Variants in MTMR12 observed in about 807,000 individuals in gnomAD.
MTMR12 encodes myotubularin-related protein 12.
Under a neutral mutation model 96.7 loss-of-function variants are expected in MTMR12, and 33 were observed. The ratio of observed to expected loss-of-function variants is 0.34; its 90% CI spans 0.26 to 0.46. The LOEUF (loss-of-function observed/expected upper bound fraction) is 0.46. Among genes scored for constraint, MTMR12 ranks in the 20% least tolerant of loss-of-function variants. The pLI is 1.00. For synonymous variants in MTMR12, 298 were observed against 327.2 expected (o/e 0.91, Z 0.96); for missense variants, 721 against 896.1 (o/e 0.80, Z 2.49).
chr5:32,263,101 T>C lies in MTMR12; in HGVS notation c.713+12A>G. 1 of 1,614,048 alleles carries C rather than the reference T, an allele frequency of 6.2e-7. No homozygotes were observed. The highest frequency in any genetic ancestry group is 8.5e-7 in the Non-Finnish European group (1 of 1,179,942). ...TGAATTGTACAGCATGTGCCCAGCA[T>C]GGAAAGCTTACCTCTCACAGACTTT... is the stretch of plus-strand genomic sequence containing the variant. On this transcript the variant is annotated intron_variant, in intron 7 of 15. Transcript: ENST00000382142.
intron 1 of MTMR12, among the ~76,000 whole-genome samples, chr5:32,305,007 A>G (rs1057074039): frequency 2.0e-5 from 3 of 152,226 alleles, no homozygotes; most frequent in Admixed American, 1.3e-4. Context: ...ACGCTCAAAG[A>G]GAAAATTCTG....
Position 32,233,709 on chromosome 5 carries a change from C to T in MTMR12, c.1674+64G>A, listed in dbSNP as rs1748096213. ...GCTGGCAGACAGAATCCGTAAGTACCTTTTATCATTACATGCACGGGGTCT... is the reference window on the plus strand; with the variant it reads ...GCTGGCAGACAGAATCCGTAAGTACTTTTTATCATTACATGCACGGGGTCT... On this transcript the variant is annotated intron_variant, in intron 15 of 15. Transcript: ENST00000382142. This position sits in a 1 kb window ranked among gnomAD's most constrained non-coding sequence, Gnocchi z 5.0. 1.9e-6 allele frequency: 3 copies of T among 1,606,002 alleles called. No homozygotes were observed. Among genetic ancestry groups the T allele is most frequent in the East Asian group, 2.2e-5 (1 of 44,840 alleles).
chr5:32,269,417 C>A (rs1376845320), intron 5 of MTMR12, among the ~76,000 whole-genome samples: 1 of 152,084 alleles, frequency 6.6e-6, no homozygotes, highest in African/African-American at 2.4e-5. Context: ...GATTCTCCTA[C>A]CTCAGCCTCC....
At chr5:32,276,829 A>G in intron 1 of MTMR12, 87 bp from the exon 2 acceptor site, 1 of 981,776 alleles carries the variant, frequency 1.0e-6, no homozygotes, top group Non-Finnish European at 1.6e-6. Flanking sequence ...TACACACTAA[A>G]ATATCACATA....
At chr5:32,303,285 T>A (rs1751219473) in intron 1 of MTMR12, among the ~76,000 whole-genome samples, 2 of 152,228 alleles carry the variant, frequency 1.3e-5, no homozygotes, top group African/African-American at 4.8e-5. Flanking sequence ...GAACTGGCAT[T>A]ACAGCTAGTA....
chr5:32,245,370 T>G (rs1375895819), intron 10 of MTMR12, among the ~76,000 whole-genome samples: 2 of 152,120 alleles, frequency 1.3e-5, no homozygotes, highest in Admixed American at 1.3e-4. Flanking sequence ...GAAAATGAAG[T>G]CAGAAGAAGC....
At chr5:32,261,613 C>T (rs1483599687) in intron 7 of MTMR12, among the ~76,000 whole-genome samples, 1 of 152,224 alleles carries the variant, frequency 6.6e-6, no homozygotes, top group Non-Finnish European at 1.5e-5. Context: ...TAATTTACTT[C>T]TTTATTCTAC....
chr5:32,269,211 G>A (rs1171004185), intron 5 of MTMR12, among the ~76,000 whole-genome samples: 1 of 151,902 alleles, frequency 6.6e-6, no homozygotes, highest in East Asian at 1.9e-4. Context: ...ATTTCTAGTA[G>A]AGACGGGGTT....
chr5:32,275,232 A>G (rs1216054351), intron 2 of MTMR12, among the ~76,000 whole-genome samples: 1 of 152,166 alleles, frequency 6.6e-6, no homozygotes, highest in Admixed American at 6.6e-5. Context: ...CACTAAGGAA[A>G]TACCGGAAGA....
At chr5:32,278,084 T>C (rs534875290) in intron 1 of MTMR12, among the ~76,000 whole-genome samples, 3 of 152,330 alleles carry the variant, frequency 2.0e-5, no homozygotes, top group East Asian at 3.9e-4. Context: ...TATTCAAAGA[T>C]AATTAATTAC....
At chr5:32,249,066 A>C (rs1748808690) in intron 8 of MTMR12, among the ~76,000 whole-genome samples, 188 bp from the exon 9 acceptor site, 1 of 152,228 alleles carries the variant, frequency 6.6e-6, no homozygotes, top group African/African-American at 2.4e-5. Context: ...TTAAAAAATA[A>C]AACAGGTCTA....
intron 1 of MTMR12, among the ~76,000 whole-genome samples, chr5:32,300,142 T>G (rs940002273): frequency 1.3e-5 from 2 of 152,218 alleles, no homozygotes; most frequent in African/African-American, 4.8e-5. Context: ...CTAATTTTAA[T>G]AGTGCTTAGC....
At chr5:32,311,482 T>C (rs1034218750) in intron 1 of MTMR12, among the ~76,000 whole-genome samples, 13 of 152,210 alleles carry the variant, frequency 8.5e-5, no homozygotes, top group Admixed American at 3.9e-4. Flanking sequence ...AAGCAGTCCC[T>C]GATCAGATCT....
chr5:32,287,244 T>C (rs1750572621), intron 1 of MTMR12, among the ~76,000 whole-genome samples: 1 of 152,170 alleles, frequency 6.6e-6, no homozygotes, highest in South Asian at 2.1e-4. Context: ...CAAAGGAGAT[T>C]AACATTTGAG....
intron 1 of MTMR12, among the ~76,000 whole-genome samples, chr5:32,306,815 T>C (rs763049870): frequency 9.2e-5 from 14 of 152,178 alleles, no homozygotes; most frequent in Non-Finnish European, 1.6e-4. Flanking sequence ...TATCTTTAAA[T>C]TCTCTTCCAA....
At chr5:32,238,665 T>C (rs1748336248) in intron 13 of MTMR12, among the ~76,000 whole-genome samples, 1 of 152,216 alleles carries the variant, frequency 6.6e-6, no homozygotes, top group Admixed American at 6.5e-5. Flanking sequence ...AAGACTAATT[T>C]TGTAGAAAAG....
intron 7 of MTMR12, among the ~76,000 whole-genome samples, chr5:32,261,979 G>A (rs897060507): frequency 1.3e-5 from 2 of 152,224 alleles, no homozygotes; most frequent in Non-Finnish European, 2.9e-5. Flanking sequence ...GGCTGAGGCA[G>A]GAGAATGGCG....
chr5:32,267,599 G>A (rs1209220807), intron 6 of MTMR12, among the ~76,000 whole-genome samples: 1 of 152,114 alleles, frequency 6.6e-6, no homozygotes, highest in Non-Finnish European at 1.5e-5. Flanking sequence ...TAAATTAGTT[G>A]CTGGATGTGC....
At chr5:32,268,659 G>A in intron 6 of MTMR12, 42 bp downstream of exon 6, 1 of 1,545,390 alleles carries the variant, frequency 6.5e-7, no homozygotes, top group Non-Finnish European at 8.9e-7. Context: ...GGAATTGGAA[G>A]GCTTCTGCTT....
Sources: gnomAD v4.1 joint callset for allele counts (sites outside exome capture counted in the v4.1 genomes callset) on GRCh38, gnomAD v4.1.1 for gene constraint, Gnocchi (gnomAD v3.1) non-coding constraint, MANE v1.5 for transcripts, NCBI Gene and HGNC (gene_info 2026-07-23, HGNC 2026-07-21) for gene names.